The following UBR1 variants were observed in gnomAD, a reference collection of about 807,000 sequenced individuals.
UBR1 encodes E3 ubiquitin-protein ligase UBR1.
A neutral mutation model predicts 242.1 loss-of-function variants in UBR1; 102 were observed. The observed-to-expected ratio is 0.42, with a 90% confidence interval of 0.36 to 0.50. UBR1 has a LOEUF of 0.50. UBR1 is among the 20% of genes least tolerant of loss of function. The pLI is 0.01. For missense variants in UBR1, 1,772 were observed against 2,101.8 expected (o/e 0.84, Z 3.07); for synonymous variants, 675 against 684.8 (o/e 0.99, Z 0.22).
At chr15:42,953,881 C>CT (rs542646568) in intron 44 of UBR1, among the ~76,000 whole-genome samples, 1,645 of 132,728 alleles carry the variant, frequency 0.012, 16 homozygotes, top group African/African-American at 0.024. Flanking sequence ...ACTTGATATT[C>CT]TTTTTTTTTT....
intron 1 of UBR1, among the ~76,000 whole-genome samples, chr15:43,087,796 G>GA (rs1461190165): frequency 6.6e-6 from 1 of 152,000 alleles, no homozygotes; most frequent in African/African-American, 2.4e-5. Context: ...GGAAACAACC[G>GA]AAATGTCCCA....
chr15:43,025,442 C>A lies in UBR1; in HGVS notation c.2536-13G>T, dbSNP rs768642329. On this transcript the variant is annotated splice_polypyrimidine_tract_variant and intron_variant, in intron 23 of 46. Coordinates refer to ENST00000290650, the MANE Select transcript of UBR1 (RefSeq NM_174916.3). ...GCATATGTTCAGCCTATAAAAAAAT[C>A]TATCATTAAATATACTGCTTTGGAA... is the stretch of plus-strand genomic sequence containing the variant. The A allele has an allele frequency of 3.8e-6, 6 of 1,589,944 alleles. No individual in the cohort carries two copies. Among genetic ancestry groups the A allele is most frequent in the Non-Finnish European group, 5.2e-6 (6 of 1,163,162 alleles).
chr15:43,059,143 G>A lies in UBR1; in HGVS notation c.1035C>T (p.Asp345=). The A allele has an allele frequency of 1.2e-6, 2 of 1,614,136 alleles. No individual in the cohort carries two copies. The highest frequency in any genetic ancestry group is 8.5e-7 in the Non-Finnish European group (1 of 1,180,024). The change falls in exon 9 of 47, where the codon GAC becomes GAT. Residue 345 remains aspartate (D), a synonymous_variant. Coordinates refer to ENST00000290650, the MANE Select transcript of UBR1 (RefSeq NM_174916.3). ...FCQACLREEP[D]SENPCLISRL... is the part of the protein sequence containing the mutation. ...TGCTTATGAGACAGGGATTCTCCGA[G>A]TCAGGTTCTTCTCTAAGGCATGCTT...
At chr15:43,037,122 CG>C (rs1402369377) in intron 17 of UBR1, among the ~76,000 whole-genome samples, 1 of 151,454 alleles carries the variant, frequency 6.6e-6, no homozygotes, top group Non-Finnish European at 1.5e-5. Flanking sequence ...TTCAGGTGAC[CG>C]GATCACCTGA....
At chr15:43,104,669 C>T (rs546974888) in intron 1 of UBR1, among the ~76,000 whole-genome samples, 31 of 151,646 alleles carry the variant, frequency 2.0e-4, no homozygotes, top group African/African-American at 7.3e-4. Context: ...CCTCTGTTCT[C>T]GCATAAAACA....
intron 2 of UBR1, among the ~76,000 whole-genome samples, chr15:43,084,436 G>A (rs915365505): frequency 2.0e-5 from 3 of 152,128 alleles, no homozygotes; most frequent in Non-Finnish European, 1.5e-5. Context: ...ATAGCAACAT[G>A]GTACACAAAA....
intron 25 of UBR1, among the ~76,000 whole-genome samples, chr15:43,023,598 CAAAAAAAAAAAAAAAAAA>C (rs35071600): frequency 2.5e-5 from 1 of 39,954 alleles, no homozygotes; most frequent in Admixed American, 4.7e-4. Flanking sequence ...AACTCCATCT[CAAAAAAAAAAAAAAAAAA>C]AAAAAAAAAA....
chr15:43,019,646 G>A lies in UBR1; in HGVS notation c.2940+1629C>T, dbSNP rs182654397. Reference sequence around the variant, plus strand: ...CGCCCAGGCTGGAGTGCAGTGGTGCGATCTCGGCTCACTGCAACCTCCGCC... The same window carrying A: ...CGCCCAGGCTGGAGTGCAGTGGTGCAATCTCGGCTCACTGCAACCTCCGCC... On this transcript the variant is annotated intron_variant, in intron 27 of 46. Coordinates refer to ENST00000290650, the MANE Select transcript of UBR1 (RefSeq NM_174916.3). Among the ~76,000 whole-genome samples, 735 of 143,798 alleles carry A rather than the reference G, an allele frequency of 5.1e-3. 10 individuals carry two copies. Among genetic ancestry groups the A allele is most frequent in the African/African-American group, 0.016 (602 of 38,674 alleles). 94.3% of individuals were successfully genotyped at this position (143,798 alleles called of 152,430 possible). A position where few individuals can be genotyped will look rare whatever the true frequency, so the allele number is the denominator to read the frequency against.
intron 32 of UBR1, among the ~76,000 whole-genome samples, chr15:42,998,911 ATGGGGTTCCAAACT>A (rs2032679898): frequency 6.8e-6 from 1 of 146,792 alleles, no homozygotes; most frequent in Non-Finnish European, 1.5e-5. Context: ...AAACATGATC[ATGGGGTTCCAAACT>A]TGGAGCCTTT....
At chr15:43,102,857 A>G (rs1218783516) in intron 1 of UBR1, among the ~76,000 whole-genome samples, 3 of 152,072 alleles carry the variant, frequency 2.0e-5, no homozygotes. Flanking sequence ...ATATATATGC[A>G]CACATTTTCC....
intron 38 of UBR1, 92 bp from the exon 39 acceptor site, chr15:42,976,959 C>A: frequency 7.3e-7 from 1 of 1,377,328 alleles, no homozygotes; most frequent in Non-Finnish European, 1.0e-6. Flanking sequence ...GCAGATGCTA[C>A]ACAGTGTTTG....
chr15:43,094,917 T>C (rs889340053), intron 1 of UBR1, among the ~76,000 whole-genome samples: 1 of 152,192 alleles, frequency 6.6e-6, no homozygotes, highest in East Asian at 1.9e-4. Context: ...CTGTCAGAAT[T>C]TGGTTTTTGA....
chr15:43,024,461 G>A (rs1258384229), intron 25 of UBR1, among the ~76,000 whole-genome samples: 4 of 152,080 alleles, frequency 2.6e-5, no homozygotes, highest in Non-Finnish European at 5.9e-5. Context: ...TCCTTAAATA[G>A]GAAGTGGGGA....
At chr15:42,998,575 C>T (rs903443335) in intron 32 of UBR1, among the ~76,000 whole-genome samples, 5 of 152,152 alleles carry the variant, frequency 3.3e-5, no homozygotes, top group African/African-American at 2.4e-5. Flanking sequence ...CTCTGATTCC[C>T]TCACACCCCA....
intron 3 of UBR1, among the ~76,000 whole-genome samples, chr15:43,076,055 G>A (rs895102968): frequency 6.6e-6 from 1 of 151,872 alleles, no homozygotes; most frequent in African/African-American, 2.4e-5. Context: ...CTGCCATCTC[G>A]GCTCACTGCA....
chr15:42,965,625 C>T (rs139987841), intron 41 of UBR1, among the ~76,000 whole-genome samples: 1,904 of 152,160 alleles, frequency 0.013, 46 homozygotes, highest in African/African-American at 0.042. Context: ...CCACCATGCC[C>T]AGCTAATTTT....
At chr15:43,039,817 G>A (rs1038762506) in intron 15 of UBR1, among the ~76,000 whole-genome samples, 1 of 152,068 alleles carries the variant, frequency 6.6e-6, no homozygotes, top group African/African-American at 2.4e-5. Context: ...CTGTGGGTTT[G>A]TCATAAATAG....
chr15:43,025,780 C>A, intron 23 of UBR1: 1 of 223,364 alleles, frequency 4.5e-6, no homozygotes, highest in Admixed American at 5.1e-5. Context: ...CATGATCCTT[C>A]ATGGGACAAA....
chr15:43,020,752 T>C (rs1272178320), intron 27 of UBR1, among the ~76,000 whole-genome samples: 1 of 152,240 alleles, frequency 6.6e-6, no homozygotes, highest in African/African-American at 2.4e-5. Flanking sequence ...ACTGACCTTC[T>C]TTCTGGCCAC....
Sources: allele counts gnomAD v4.1 joint callset (sites outside exome capture counted in the v4.1 genomes callset), GRCh38; gene constraint gnomAD v4.1.1; transcripts MANE v1.5; gene names NCBI Gene and HGNC (gene_info 2026-07-23, HGNC 2026-07-21).